Variants in VTI1A observed in about 807,000 individuals in gnomAD.
VTI1A encodes the protein vesicle transport through interaction with t-SNAREs 1A.
Under a neutral mutation model 34.9 loss-of-function variants are expected in VTI1A, and 22 were observed. The ratio of observed to expected loss-of-function variants is 0.63; its 90% CI spans 0.45 to 0.90. The LOEUF (loss-of-function observed/expected upper bound fraction) is 0.90, where lower values mean the gene tolerates loss of function less well. Ranked by LOEUF, VTI1A falls within the 40% of genes least tolerant of loss-of-function variation. VTI1A has a pLI of 0.00. For missense variants in VTI1A, 268 were observed against 275.6 expected, an observed-to-expected ratio of 0.97 and a Z score of 0.20; for synonymous variants, 87 against 97.3, an observed-to-expected ratio of 0.89 and a Z score of 0.62.
intron 4 of VTI1A, among the ~76,000 whole-genome samples, chr10:112,531,511 A>T (rs1244838781): frequency 6.6e-6 from 1 of 151,688 alleles, no homozygotes; most frequent in Non-Finnish European, 1.5e-5. Flanking sequence ...AAAGATAAAG[A>T]TGAAAAACCC....
At chr10:112,750,252 G>A (rs1465110811) in intron 7 of VTI1A, among the ~76,000 whole-genome samples, 1 of 152,032 alleles carries the variant, frequency 6.6e-6, no homozygotes, top group Non-Finnish European at 1.5e-5. Flanking sequence ...GCGGTAGCAC[G>A]AGCATAGCCC....
chr10:112,637,176 C>G (rs548329722), intron 5 of VTI1A, among the ~76,000 whole-genome samples: 1 of 152,030 alleles, frequency 6.6e-6, no homozygotes, highest in Non-Finnish European at 1.5e-5. Context: ...TTTGGAGACT[C>G]GTGAGATTTT....
chr10:112,818,453 CTT>C lies in VTI1A; in HGVS notation c.*3078_*3079del. ...CTGTCTTTCTCTCCCTCTCTTTCTC[CTT>C]TTTTTTTGCACATCTTTTCTTTAAA... On this transcript the variant is annotated 3_prime_UTR_variant, in exon 8 of 8. Coordinates refer to ENST00000393077, the MANE Select transcript of VTI1A (RefSeq NM_145206.4). 1 of 227,864 alleles carries C rather than the reference CTT, an allele frequency of 4.4e-6. No individual in the cohort carries two copies. The highest frequency in any genetic ancestry group is 8.7e-6 in the Non-Finnish European group (1 of 114,816). 14.1% of individuals were successfully genotyped at this position (227,864 alleles called of 1,614,324 possible).
chr10:112,820,929 C>T (rs1351572191), downstream of VTI1A, among the ~76,000 whole-genome samples: 3 of 152,106 alleles, frequency 2.0e-5, no homozygotes, highest in Non-Finnish European at 4.4e-5. Context: ...CCCTTGAGCT[C>T]ATCACTGCCC....
intron 7 of VTI1A, among the ~76,000 whole-genome samples, chr10:112,735,439 T>C (rs1850417823): frequency 6.6e-6 from 1 of 152,234 alleles, no homozygotes. Flanking sequence ...ATAAAACTAT[T>C]TTGTTTGCTG....
chr10:112,506,739 C>T (rs971984631), intron 3 of VTI1A, among the ~76,000 whole-genome samples: 1 of 152,150 alleles, frequency 6.6e-6, no homozygotes, highest in African/African-American at 2.4e-5. Flanking sequence ...CATTGAGTGT[C>T]ATTCCTCTTC....
intron 7 of VTI1A, among the ~76,000 whole-genome samples, chr10:112,793,363 T>C (rs1852556917): frequency 6.6e-6 from 1 of 152,222 alleles, no homozygotes; most frequent in Non-Finnish European, 1.5e-5. Context: ...TATCAGTGCA[T>C]GTTAGCATCT....
At chr10:112,752,478 C>T (rs1320059560) in intron 7 of VTI1A, 1 of 985,340 alleles carries the variant, frequency 1.0e-6, no homozygotes, top group African/African-American at 1.7e-5. Flanking sequence ...CACTGCATTT[C>T]TGTTGCTCAA....
intron 7 of VTI1A, among the ~76,000 whole-genome samples, chr10:112,781,378 C>A (rs930545541): frequency 1.6e-4 from 25 of 152,232 alleles, no homozygotes; most frequent in South Asian, 4.1e-4. Flanking sequence ...GTGTTGGTAC[C>A]CTCAGAGACC....
intron 7 of VTI1A, among the ~76,000 whole-genome samples, chr10:112,720,924 A>G (rs1196875879): frequency 6.6e-6 from 1 of 152,146 alleles, no homozygotes; most frequent in African/African-American, 2.4e-5. Flanking sequence ...TTTAGAGAGA[A>G]TATAGCACTT....
At chr10:112,694,969 C>CTAAATAAA (rs565452984) in intron 7 of VTI1A, among the ~76,000 whole-genome samples, 2 of 151,738 alleles carry the variant, frequency 1.3e-5, no homozygotes, top group African/African-American at 4.8e-5. Flanking sequence ...ACTCTGTCTC[C>CTAAATAAA]TAAATAAATA....
chr10:112,491,587 G>A (rs143849308), intron 3 of VTI1A, among the ~76,000 whole-genome samples: 64 of 152,256 alleles, frequency 4.2e-4, no homozygotes, highest in African/African-American at 1.5e-3. Context: ...ATTGATTTTA[G>A]TAATATATTT....
intron 7 of VTI1A, among the ~76,000 whole-genome samples, chr10:112,739,244 C>G (rs1299327506): frequency 1.3e-5 from 2 of 152,170 alleles, no homozygotes; most frequent in East Asian, 3.9e-4. Context: ...GTTAATCAAG[C>G]CACTTGGGGG....
chr10:112,471,473 A>G lies in VTI1A; in HGVS notation c.264+6816A>G, dbSNP rs1041680655. On this transcript the variant is annotated intron_variant, in intron 3 of 7. Transcript: ENST00000393077. Reference sequence around the variant, plus strand: ...GGAATATTAGGTTCAGAAGAGGTCAAATCTAATCACCTTATGTTTTAGATG... The same window carrying G: ...GGAATATTAGGTTCAGAAGAGGTCAGATCTAATCACCTTATGTTTTAGATG... 2.0e-5 allele frequency among the ~76,000 whole-genome samples: 3 copies of G among 151,264 alleles called. No homozygotes were observed. The South Asian group carries it at 6.3e-4, about 32-fold the overall frequency.
chr10:112,844,772 T>C, the VTI1A span, among the ~76,000 whole-genome samples: 6 of 152,208 alleles, frequency 3.9e-5, no homozygotes, highest in Non-Finnish European at 7.3e-5. Flanking sequence ...AGTTGAGAGA[T>C]ATTCACCCTT....
At chr10:112,842,807 G>A in the VTI1A span, among the ~76,000 whole-genome samples, 1 of 152,160 alleles carries the variant, frequency 6.6e-6, no homozygotes. Context: ...TCTGTTCCCT[G>A]CCCTTAAGGT....
the VTI1A span, among the ~76,000 whole-genome samples, chr10:112,830,845 ATATAT>A: frequency 9.8e-4 from 41 of 42,032 alleles, no homozygotes; most frequent in African/African-American, 3.6e-3. Context: ...ATATATATAT[ATATAT>A]TTTTTTTTTT....
intron 7 of VTI1A, among the ~76,000 whole-genome samples, chr10:112,682,627 T>A (rs1309236119): frequency 6.6e-6 from 1 of 152,334 alleles, no homozygotes; most frequent in Non-Finnish European, 1.5e-5. Context: ...TTGCTAAGCC[T>A]GGTAGACTGA....
intron 3 of VTI1A, among the ~76,000 whole-genome samples, chr10:112,493,674 A>G (rs569060872): frequency 6.6e-6 from 1 of 152,288 alleles, no homozygotes; most frequent in East Asian, 1.9e-4. Context: ...AGTCTATATT[A>G]TAAATAGGTG....
Sources: allele counts gnomAD v4.1 joint callset (sites outside exome capture counted in the v4.1 genomes callset), GRCh38; gene constraint gnomAD v4.1.1; transcripts MANE v1.5; gene names NCBI Gene and HGNC (gene_info 2026-07-23, HGNC 2026-07-21).